PPP1R9A: variants seen among roughly 807,000 people sequenced by gnomAD.
The protein encoded by PPP1R9A is neurabin-1.
Under a neutral mutation model 141.9 loss-of-function variants are expected in PPP1R9A, and 59 were observed. That is an observed-to-expected ratio of 0.42 (90% CI 0.34 to 0.52). The LOEUF is 0.52. PPP1R9A is among the 20% of genes least tolerant of loss of function. PPP1R9A has a pLI of 0.10. For synonymous variants in PPP1R9A, 500 were observed against 569.7 expected (o/e 0.88, Z 1.74); for missense variants, 1,444 against 1,611.9 (o/e 0.90, Z 1.78).
chr7:95,271,182 A>C (rs1156824048), intron 14 of PPP1R9A, among the ~76,000 whole-genome samples: 1 of 152,218 alleles, frequency 6.6e-6, no homozygotes, highest in Non-Finnish European at 1.5e-5. Context: ...GTTACACACA[A>C]AAGTGAGCCA....
intron 2 of PPP1R9A, among the ~76,000 whole-genome samples, chr7:94,969,470 T>C (rs370253897): frequency 1.8e-4 from 27 of 152,222 alleles, no homozygotes; most frequent in Middle Eastern, 6.8e-3. Flanking sequence ...GTATTACCAG[T>C]GGAGGCTGTC....
At chr7:94,962,272 A>C (rs934432435) in intron 2 of PPP1R9A, among the ~76,000 whole-genome samples, 1 of 152,036 alleles carries the variant, frequency 6.6e-6, no homozygotes, top group African/African-American at 2.4e-5. Context: ...GTCAGTAATT[A>C]ATTATTTTTA....
chr7:95,265,405 A>G (rs1160843325), intron 12 of PPP1R9A, among the ~76,000 whole-genome samples: 8 of 152,278 alleles, frequency 5.3e-5, no homozygotes, highest in Admixed American at 4.6e-4. Flanking sequence ...CTTATATGAG[A>G]AATAAGCTGG....
chr7:95,188,068 G>A (rs1834905669), intron 5 of PPP1R9A, among the ~76,000 whole-genome samples: 1 of 152,094 alleles, frequency 6.6e-6, no homozygotes, highest in African/African-American at 2.4e-5. Context: ...GACCTGTCTA[G>A]TGCTGTCAGG....
intron 14 of PPP1R9A, among the ~76,000 whole-genome samples, chr7:95,270,212 GC>G (rs768482414): frequency 1.6e-4 from 25 of 152,096 alleles, no homozygotes; most frequent in Admixed American, 9.2e-4. Flanking sequence ...GCTTCCTGAT[GC>G]CTGGTCTAGA....
chr7:94,998,246 C>G (rs1219120682), intron 2 of PPP1R9A, among the ~76,000 whole-genome samples: 1 of 152,154 alleles, frequency 6.6e-6, no homozygotes, highest in Non-Finnish European at 1.5e-5. Context: ...TTCATCTGCT[C>G]TCATTTAAAT....
chr7:95,024,423 G>C (rs181538786), intron 2 of PPP1R9A, among the ~76,000 whole-genome samples: 1 of 152,072 alleles, frequency 6.6e-6, no homozygotes, highest in African/African-American at 2.4e-5. Context: ...TCTCTTTGTA[G>C]GTCTCTAAGA....
intron 8 of PPP1R9A, among the ~76,000 whole-genome samples, chr7:95,237,314 G>C (rs978834929): frequency 6.6e-6 from 1 of 151,236 alleles, no homozygotes; most frequent in African/African-American, 2.4e-5. Flanking sequence ...TCCTACTTCG[G>C]CCTCCCAAGT....
chr7:95,183,769 T>C (rs1170055220), intron 5 of PPP1R9A, among the ~76,000 whole-genome samples: 3 of 151,982 alleles, frequency 2.0e-5, no homozygotes, highest in African/African-American at 7.2e-5. Flanking sequence ...ATAATTAGTA[T>C]TGGGTTAGAT....
chr7:94,961,006 A>G (rs1436488860), intron 2 of PPP1R9A, among the ~76,000 whole-genome samples: 2 of 151,584 alleles, frequency 1.3e-5, no homozygotes, highest in East Asian at 1.9e-4. Context: ...TAGAGCTGGC[A>G]TCTGCTTGCA....
intron 16 of PPP1R9A, among the ~76,000 whole-genome samples, chr7:95,282,533 C>G (rs898647083): frequency 3.2e-4 from 48 of 152,304 alleles, no homozygotes. Flanking sequence ...ATGTTTACAT[C>G]CCAAAGGGTC....
intron 1 of PPP1R9A, chr7:94,908,295 A>G (rs1274038276): frequency 1.3e-5 from 2 of 151,954 alleles, no homozygotes; most frequent in South Asian, 2.1e-4. Flanking sequence ...AGTGGGATCT[A>G]TTGTTTCCTG....
At chr7:95,266,710 A>G (rs1343996349) in intron 12 of PPP1R9A, among the ~76,000 whole-genome samples, 1 of 152,174 alleles carries the variant, frequency 6.6e-6, no homozygotes, top group Non-Finnish European at 1.5e-5. Context: ...TATAGAGCAT[A>G]CAATCCAAAT....
At chr7:95,207,528 G>A (rs1585247283) in intron 7 of PPP1R9A, among the ~76,000 whole-genome samples, 1 of 152,044 alleles carries the variant, frequency 6.6e-6, no homozygotes, top group East Asian at 1.9e-4. Context: ...ACCATATGAA[G>A]CAACATATAA....
intron 4 of PPP1R9A, among the ~76,000 whole-genome samples, chr7:95,129,430 A>T (rs189761355): frequency 2.0e-5 from 3 of 152,332 alleles, no homozygotes; most frequent in Admixed American, 2.0e-4. Context: ...CCCCACCCAC[A>T]TGGAACTATA....
chr7:94,933,467 T>A (rs561617174), intron 2 of PPP1R9A, among the ~76,000 whole-genome samples: 1 of 152,128 alleles, frequency 6.6e-6, no homozygotes, highest in Non-Finnish European at 1.5e-5. Context: ...TTCTCCTCCC[T>A]CTCTCAACTG....
intron 7 of PPP1R9A, among the ~76,000 whole-genome samples, chr7:95,222,177 G>A (rs966807044): frequency 2.0e-5 from 3 of 152,044 alleles, no homozygotes; most frequent in Non-Finnish European, 4.4e-5. Flanking sequence ...GTTTAAAGCC[G>A]TGGAAGGTGA....
chr7:95,044,052 T>G (rs915729257), intron 2 of PPP1R9A, among the ~76,000 whole-genome samples: 1 of 152,246 alleles, frequency 6.6e-6, no homozygotes, highest in Admixed American at 6.5e-5. Flanking sequence ...CATTGGAGAC[T>G]GCTTCAAAAC....
Position 95,097,883 on chromosome 7 carries a change from C to A in PPP1R9A, c.1396-13376C>A, listed in dbSNP as rs114215040. ...GATAACATTTTAAGAGATTTACCAC[C>A]AGGAATTGGTTTATGCATATGTTGA... On this transcript the variant is annotated intron_variant, in intron 2 of 19. Coordinates refer to ENST00000433360, the MANE Select transcript of PPP1R9A (RefSeq NM_001166160.2). 5.4e-3 allele frequency among the ~76,000 whole-genome samples: 828 copies of A among 152,252 alleles called. 8 individuals carry two copies. Among genetic ancestry groups the A allele is most frequent in the African/African-American group, 0.019 (774 of 41,546 alleles).
Sources: allele counts gnomAD v4.1 joint callset (sites outside exome capture counted in the v4.1 genomes callset), GRCh38; gene constraint gnomAD v4.1.1; transcripts MANE v1.5; gene names NCBI Gene and HGNC (gene_info 2026-07-23, HGNC 2026-07-21).